The following CTNND2 variants were observed in gnomAD, a reference collection of about 807,000 sequenced individuals.
CTNND2 encodes the protein catenin delta 2.
CTNND2 carries 22 observed loss-of-function variants against 144.4 expected under a neutral mutation model. That is an observed-to-expected ratio of 0.15 (90% CI 0.11 to 0.22). CTNND2 has a LOEUF of 0.22. CTNND2 is among the 10% of genes least tolerant of loss of function. CTNND2 has a pLI of 1.00. For missense variants in CTNND2, 1,353 were observed against 1,618.8 expected (o/e 0.84, Z 2.82); for synonymous variants, 751 against 695.6 (o/e 1.08, Z -1.25).
rs73743228 is a variant in CTNND2 at position 11,763,725 on chromosome 5, T to C, written c.38-31453A>G. 7.9e-3 allele frequency among the ~76,000 whole-genome samples: 1,203 copies of C among 152,324 alleles called. 10 individuals carry two copies. Among genetic ancestry groups the C allele is most frequent in the African/African-American group, 0.028 (1,147 of 41,576 alleles). On this transcript the variant is annotated intron_variant, in intron 1 of 21. Transcript: ENST00000304623. ...ATGGAGAAACATCTTTACAAGGCACTTTTAGCGTCAAAAATGGATGATATG... is the reference window on the plus strand; with the variant it reads ...ATGGAGAAACATCTTTACAAGGCACCTTTAGCGTCAAAAATGGATGATATG...
intron 12 of CTNND2, among the ~76,000 whole-genome samples, chr5:11,127,179 A>G (rs986418724): frequency 2.6e-5 from 4 of 152,222 alleles, no homozygotes; most frequent in African/African-American, 7.2e-5. Flanking sequence ...TATGTCTACT[A>G]AAACTGTGGC....
intron 12 of CTNND2, among the ~76,000 whole-genome samples, chr5:11,143,899 C>T (rs1756982981): frequency 1.3e-5 from 2 of 151,570 alleles, no homozygotes; most frequent in Non-Finnish European, 2.9e-5. Context: ...TAGGGGCAGT[C>T]GCCAGGTCTA....
intron 2 of CTNND2, among the ~76,000 whole-genome samples, chr5:11,625,837 CAAAT>C (rs1455676619): frequency 1.3e-5 from 2 of 151,996 alleles, no homozygotes; most frequent in African/African-American, 2.4e-5. Flanking sequence ...ATGAGGGTGA[CAAAT>C]AAGTATCTTA....
chr5:11,264,201 A>G (rs1430906948), intron 9 of CTNND2, among the ~76,000 whole-genome samples: 1 of 152,200 alleles, frequency 6.6e-6, no homozygotes, highest in Non-Finnish European at 1.5e-5. Flanking sequence ...ATTTGATATT[A>G]TGGGTTGAAT....
At chr5:11,620,377 T>C (rs1000763450) in intron 2 of CTNND2, among the ~76,000 whole-genome samples, 2 of 152,170 alleles carry the variant, frequency 1.3e-5, no homozygotes, top group African/African-American at 4.8e-5. Context: ...CCCTGCCTAG[T>C]CATCCCAGGG....
At chr5:11,071,772 G>A (rs1748341833) in intron 16 of CTNND2, among the ~76,000 whole-genome samples, 1 of 152,054 alleles carries the variant, frequency 6.6e-6, no homozygotes, top group African/African-American at 2.4e-5. Flanking sequence ...CATGCTATGG[G>A]CTGAAACTGA....
At chr5:11,480,646 A>ATGTGTGTGTGTGTGTGTGTGTG (rs58951106) in intron 3 of CTNND2, among the ~76,000 whole-genome samples, 18 of 149,156 alleles carry the variant, frequency 1.2e-4, no homozygotes, top group Middle Eastern at 3.5e-3. Context: ...AAATACATAT[A>ATGTGTGTGTGTGTGTGTGTGTG]TGTGTGTGTG....
intron 1 of CTNND2, among the ~76,000 whole-genome samples, chr5:11,736,085 G>A (rs1357961226): frequency 2.0e-5 from 3 of 152,138 alleles, no homozygotes; most frequent in Admixed American, 2.0e-4. Flanking sequence ...CCAGAACTCA[G>A]GCTTTCTGCC....
intron 21 of CTNND2, among the ~76,000 whole-genome samples, chr5:10,978,983 G>A (rs574009723): frequency 1.3e-5 from 2 of 152,300 alleles, no homozygotes; most frequent in East Asian, 3.9e-4. Context: ...TCTGTGAGAT[G>A]CCAGAGACCC....
intron 3 of CTNND2, among the ~76,000 whole-genome samples, chr5:11,497,073 T>C (rs61757516): frequency 9.2e-5 from 14 of 152,258 alleles, no homozygotes; most frequent in African/African-American, 3.1e-4. Context: ...GGTCCCTTGA[T>C]GAAGGAAGAA....
At chr5:11,192,610 T>C (rs539004366) in intron 11 of CTNND2, among the ~76,000 whole-genome samples, 1 of 152,184 alleles carries the variant, frequency 6.6e-6, no homozygotes, top group African/African-American at 2.4e-5. Flanking sequence ...TCATCAGGGA[T>C]GCAATGCTAC....
At chr5:11,096,803 CAGAGAGAG>C (rs375930798) in intron 15 of CTNND2, among the ~76,000 whole-genome samples, 1 of 148,994 alleles carries the variant, frequency 6.7e-6, no homozygotes, top group South Asian at 2.1e-4. Context: ...GAGAGAGAGA[CAGAGAGAG>C]AGAGAGAGAG....
At chr5:11,531,490 G>T (rs974345935) in intron 3 of CTNND2, among the ~76,000 whole-genome samples, 1 of 152,110 alleles carries the variant, frequency 6.6e-6, no homozygotes, top group Admixed American at 6.5e-5. Context: ...CCCGTGCATG[G>T]TGGCAGGCAC....
intron 3 of CTNND2, among the ~76,000 whole-genome samples, chr5:11,497,863 C>T (rs1770132963): frequency 6.6e-6 from 1 of 152,138 alleles, no homozygotes; most frequent in Non-Finnish European, 1.5e-5. Flanking sequence ...TTGTGTCCCA[C>T]TGACTATGGA....
At chr5:11,834,756 C>G (rs1794080732) in intron 1 of CTNND2, among the ~76,000 whole-genome samples, 1 of 152,106 alleles carries the variant, frequency 6.6e-6, no homozygotes, top group Non-Finnish European at 1.5e-5. Context: ...AAAGTAGCAC[C>G]CACTTTCGAA....
intron 2 of CTNND2, among the ~76,000 whole-genome samples, chr5:11,718,609 TTTC>T: frequency 6.6e-6 from 1 of 151,702 alleles, no homozygotes. Context: ...TCTAACACAT[TTTC>T]TTTTTTTACA....
At chr5:11,276,910 C>T (rs1280822540) in intron 9 of CTNND2, among the ~76,000 whole-genome samples, 2 of 152,320 alleles carry the variant, frequency 1.3e-5, no homozygotes, top group Admixed American at 6.5e-5. Flanking sequence ...AAAGGATTAT[C>T]CCCTAGAGCT....
intron 1 of CTNND2, among the ~76,000 whole-genome samples, chr5:11,886,388 A>C (rs951538547): frequency 6.6e-6 from 1 of 152,182 alleles, no homozygotes; most frequent in Non-Finnish European, 1.5e-5. Flanking sequence ...AGAAATACAA[A>C]GGGTCATTCA....
chr5:10,991,041 A>T (rs1401250304), intron 19 of CTNND2, among the ~76,000 whole-genome samples: 2 of 152,246 alleles, frequency 1.3e-5, no homozygotes, highest in Non-Finnish European at 2.9e-5. Context: ...TAAGAGGCCT[A>T]AGAGGCCACC....
Sources: gnomAD v4.1 joint callset for allele counts (sites outside exome capture counted in the v4.1 genomes callset) on GRCh38, gnomAD v4.1.1 for gene constraint, MANE v1.5 for transcripts, NCBI Gene and HGNC (gene_info 2026-07-23, HGNC 2026-07-21) for gene names.